The following TCF4 variants were observed in gnomAD, a reference collection of about 807,000 sequenced individuals.
TCF4 encodes the protein transcription factor 4, also known as SL3-3 enhancer factor 2.
In TCF4, 3 loss-of-function variants were observed where a neutral mutation model predicts 82.1. The ratio of observed to expected loss-of-function variants is 0.04; its 90% CI spans 0.02 to 0.09. TCF4 has a LOEUF of 0.09. Ranked by LOEUF, TCF4 falls within the 10% of genes least tolerant of loss-of-function variation. The pLI is 1.00. For synonymous variants in TCF4, 276 were observed against 309.6 expected (o/e 0.89, Z 1.14); for missense variants, 518 against 852.7 (o/e 0.61, Z 4.89).
intron 5 of TCF4, among the ~76,000 whole-genome samples, chr18:55,446,450 G>A (rs995967259): frequency 6.6e-6 from 1 of 152,114 alleles, no homozygotes; most frequent in African/African-American, 2.4e-5. Context: ...CTCTACAAAG[G>A]AGGCAATGCA....
chr18:55,404,124 G>T (rs1320937167), intron 5 of TCF4: 1 of 802,930 alleles, frequency 1.2e-6, no homozygotes, highest in African/African-American at 1.8e-5. Context: ...CCCAAGTTCA[G>T]ATTCCACCAA....
chr18:55,238,703 C>G (rs1490967177), intron 15 of TCF4, among the ~76,000 whole-genome samples: 1 of 152,086 alleles, frequency 6.6e-6, no homozygotes, highest in Non-Finnish European at 1.5e-5. Flanking sequence ...CCTCTCTCCT[C>G]TCTCTGGGGG....
chr18:55,255,097 T>C (rs2056445091), intron 14 of TCF4, among the ~76,000 whole-genome samples: 2 of 152,204 alleles, frequency 1.3e-5, no homozygotes, highest in African/African-American at 2.4e-5. Flanking sequence ...ATGACCTATT[T>C]ATAGTTTCTT....
chr18:55,444,313 A>G (rs1156846398), intron 5 of TCF4, among the ~76,000 whole-genome samples: 1 of 152,200 alleles, frequency 6.6e-6, no homozygotes, highest in African/African-American at 2.4e-5. Context: ...ATTAACACTA[A>G]AAATGAGAGC....
intron 3 of TCF4, among the ~76,000 whole-genome samples, chr18:55,558,667 G>A (rs927313920): frequency 2.6e-5 from 4 of 152,064 alleles, no homozygotes; most frequent in East Asian, 1.9e-4. Flanking sequence ...TGGGCCAATC[G>A]AAACAAGAAT....
At chr18:55,530,426 G>A (rs2097047269) in intron 3 of TCF4, among the ~76,000 whole-genome samples, 1 of 151,992 alleles carries the variant, frequency 6.6e-6, no homozygotes, top group Non-Finnish European at 1.5e-5. Flanking sequence ...GTGGATAAAG[G>A]AAGAAGCAGA....
intron 8 of TCF4, among the ~76,000 whole-genome samples, chr18:55,301,818 G>GGA (rs2068403301): frequency 6.7e-6 from 1 of 149,690 alleles, no homozygotes; most frequent in Non-Finnish European, 1.5e-5. Flanking sequence ...AAAAAGTGGG[G>GGA]GGGGATTCGG....
At chr18:55,584,524 G>A (rs765429483) in intron 3 of TCF4, among the ~76,000 whole-genome samples, 4 of 151,242 alleles carry the variant, frequency 2.6e-5, no homozygotes, top group Non-Finnish European at 4.4e-5. Context: ...TTTAATAAGA[G>A]ATATTCGAAT....
intron 8 of TCF4, among the ~76,000 whole-genome samples, chr18:55,343,866 G>C (rs532404360): frequency 1.4e-5 from 2 of 141,834 alleles, no homozygotes; most frequent in Non-Finnish European, 2.9e-5. Context: ...ACACACACGC[G>C]TGCACACACA....
chr18:55,631,533 C>T, intron 1 of TCF4: 1 of 704,028 alleles, frequency 1.4e-6, no homozygotes, highest in Non-Finnish European at 2.2e-6. Context: ...TGCACAGAAA[C>T]TCTTGACAAA....
At chr18:55,417,286 T>G (rs1338334181) in intron 5 of TCF4, among the ~76,000 whole-genome samples, 1 of 152,136 alleles carries the variant, frequency 6.6e-6, no homozygotes, top group African/African-American at 2.4e-5. Flanking sequence ...ACATGGCCAT[T>G]TTTACCAAAT....
At chr18:55,301,334 C>A (rs1289011203) in intron 8 of TCF4, among the ~76,000 whole-genome samples, 2 of 152,188 alleles carry the variant, frequency 1.3e-5, no homozygotes, top group African/African-American at 2.4e-5. Flanking sequence ...AAGTAGCATA[C>A]GGCTCTCGCC....
At chr18:55,258,891 T>C (rs956905489) in intron 13 of TCF4, among the ~76,000 whole-genome samples, 2 of 152,136 alleles carry the variant, frequency 1.3e-5, no homozygotes, top group Non-Finnish European at 2.9e-5. Flanking sequence ...ATTATCCTCT[T>C]AAAATCACCT....
At chr18:55,618,941 G>A in intron 2 of TCF4, among the ~76,000 whole-genome samples, 1 of 150,450 alleles carries the variant, frequency 6.6e-6, no homozygotes. Flanking sequence ...TCTTCCTTCT[G>A]CTAATTTTGG....
intron 8 of TCF4, among the ~76,000 whole-genome samples, chr18:55,297,158 T>C (rs941386452): frequency 7.1e-6 from 1 of 139,882 alleles, no homozygotes; most frequent in Non-Finnish European, 1.6e-5. Flanking sequence ...TTTTTTTTTT[T>C]TTTTTTTTTT....
At chr18:55,345,615 T>C (rs917231464) in intron 8 of TCF4, among the ~76,000 whole-genome samples, 3 of 152,158 alleles carry the variant, frequency 2.0e-5, no homozygotes, top group Non-Finnish European at 2.9e-5. Flanking sequence ...TATCTTAATA[T>C]TTTAAACACT....
chr18:55,269,487 C>G (rs2059888380), intron 11 of TCF4: 1 of 350,444 alleles, frequency 2.9e-6, no homozygotes, highest in Non-Finnish European at 5.5e-6. Context: ...CCATTAAGAG[C>G]TATTCTGCTT....
At chr18:55,629,020 A>G (rs566740564) in intron 2 of TCF4, among the ~76,000 whole-genome samples, 1 of 152,366 alleles carries the variant, frequency 6.6e-6, no homozygotes, top group East Asian at 1.9e-4. Context: ...AAATAATTTC[A>G]TAAATGCACA....
chr18:55,310,374 T>C (rs1460709982), intron 8 of TCF4, among the ~76,000 whole-genome samples: 1 of 152,154 alleles, frequency 6.6e-6, no homozygotes, highest in African/African-American at 2.4e-5. Context: ...TTGGAGAACT[T>C]TGTATATCAT....
Sources: gnomAD v4.1 joint callset for allele counts (sites outside exome capture counted in the v4.1 genomes callset) on GRCh38, gnomAD v4.1.1 for gene constraint, MANE v1.5 for transcripts, NCBI Gene and HGNC (gene_info 2026-07-23, HGNC 2026-07-21) for gene names.